Variants in PRSS50 observed in about 807,000 individuals in gnomAD.
PRSS50 encodes probable threonine protease PRSS50.
In PRSS50, 23 loss-of-function variants were observed where a neutral mutation model predicts 34.2. The ratio of observed to expected loss-of-function variants is 0.67; its 90% CI spans 0.48 to 0.95. The LOEUF (loss-of-function observed/expected upper bound fraction) is 0.95, where lower values mean the gene tolerates loss of function less well. Ranked by LOEUF, PRSS50 falls within the 40% of genes least tolerant of loss-of-function variation. PRSS50 has a pLI of 0.00. For synonymous variants in PRSS50, 224 were observed against 211.2 expected, an observed-to-expected ratio of 1.06 and a Z score of -0.53; for missense variants, 484 against 513.4, an observed-to-expected ratio of 0.94 and a Z score of 0.55.
Position 46,715,574 on chromosome 3 carries a change from G to C in PRSS50, c.431C>G (p.Ala144Gly), listed in dbSNP as rs936415196. ...GGCCACAGTCAGCACCCACTGGGAGGCAATGATGGTGCCGGCACAGATGTG... is the reference window on the plus strand; with the variant it reads ...GGCCACAGTCAGCACCCACTGGGAGCCAATGATGGTGCCGGCACAGATGTG... ...GTHICAGTII[A>G]SQWVLTVAHC... The change falls in exon 3 of 6, where the codon GCC (alanine) becomes GGC (glycine). Residue 144 changes from alanine to glycine, a missense_variant. Transcript: ENST00000315170. The surrounding 1 kb of genome is among the most constrained non-coding windows in gnomAD (Gnocchi z 5.2). The C allele has an allele frequency of 1.2e-5, 19 of 1,613,702 alleles. No homozygotes were observed. Among genetic ancestry groups the C allele is most frequent in the Non-Finnish European group, 1.5e-5 (18 of 1,179,808 alleles).
In PRSS50 at chr3:46,715,515, C is replaced by T. The variant is rs778343259; in HGVS notation, c.470+20G>A. ...AGCTCCAAATACCTCTCCACCCACC[C>T]CACCTCAGCCTTGACTCACCAGATC... On this transcript the variant is annotated intron_variant, in intron 3 of 5. Coordinates refer to ENST00000315170, the MANE Select transcript of PRSS50 (RefSeq NM_013270.5). The surrounding 1 kb of genome is among the most constrained non-coding windows in gnomAD (Gnocchi z 5.2). 9 of 1,601,100 alleles carry T rather than the reference C, an allele frequency of 5.6e-6. No homozygotes were observed. In the Admixed American group the frequency reaches 1.3e-4, roughly 24 times the overall value.
chr3:46,717,347 G>A lies in PRSS50; in HGVS notation c.307+90C>T, dbSNP rs903326140. On this transcript the variant is annotated intron_variant, in intron 2 of 5. Transcript: ENST00000315170. This position sits in a 1 kb window ranked among gnomAD's most constrained non-coding sequence, Gnocchi z 4.5. The stretch of plus-strand genomic sequence containing the variant: ...GCGCTCCTCTATCCTGCTCGCCCCC[G>A]TCCCTTCTGCTCCCCTAGCCCCAGC... 13 of 1,444,646 alleles carry A rather than the reference G, an allele frequency of 9.0e-6. No homozygotes were observed. The highest frequency in any genetic ancestry group is 3.6e-5 in the Admixed American group (2 of 55,938). The allele number at this position is 1,444,646 out of a possible 1,614,324, so 89.5% of individuals were successfully genotyped here.
Position 46,715,869 on chromosome 3 carries a change from T to C in PRSS50, c.308-172A>G, listed in dbSNP as rs1209584898. Among the ~76,000 whole-genome samples the C allele has an allele frequency of 6.6e-6, 1 of 152,024 alleles. No homozygotes were observed. The highest frequency in any genetic ancestry group is 1.5e-5 in the Non-Finnish European group (1 of 68,004). ...CACATGTGGACTGGAGTCTCATGCC[T>C]CAGAAGGGTCCAAGCACTGCCCAGA... On this transcript the variant is annotated intron_variant, in intron 2 of 5. Transcript: ENST00000315170. The surrounding 1 kb of genome is among the most constrained non-coding windows in gnomAD (Gnocchi z 5.2).
At chr3:46,714,190 G>A (rs375134109) in intron 4 of PRSS50, 28 bp downstream of exon 4, 44 of 1,604,892 alleles carry the variant, frequency 2.7e-5, no homozygotes, top group African/African-American at 1.5e-4. Flanking sequence ...CACAGCACCC[G>A]CCCTGGTCTG....
Position 46,717,288 on chromosome 3 carries a change from G to T in PRSS50, c.307+149C>A. 1 of 845,072 alleles carries T rather than the reference G, an allele frequency of 1.2e-6. No individual in the cohort carries two copies. The highest frequency in any genetic ancestry group is 1.8e-6 in the Non-Finnish European group (1 of 550,862). The allele number at this position is 845,072 out of a possible 1,614,324, so 52.3% of individuals were successfully genotyped here. A position where few individuals can be genotyped will look rare whatever the true frequency, so the allele number is the denominator to read the frequency against. On this transcript the variant is annotated intron_variant, in intron 2 of 5. Transcript: ENST00000315170. This position sits in a 1 kb window ranked among gnomAD's most constrained non-coding sequence, Gnocchi z 4.5. ...AGACAGGACCAGGCCTGACCCACAG[G>T]TGTTTAGTGCTCAATGAACACCTGT...
intron 5 of PRSS50, among the ~76,000 whole-genome samples, 181 bp from the exon 6 acceptor site, chr3:46,712,663 A>C (rs1700634881): frequency 6.7e-6 from 1 of 149,178 alleles, no homozygotes; most frequent in African/African-American, 2.5e-5. Context: ...CCACCTCTTA[A>C]CACCCACCCT....
chr3:46,712,582 C>G, intron 5 of PRSS50, 100 bp from the exon 6 acceptor site: 1 of 1,098,170 alleles, frequency 9.1e-7, no homozygotes, highest in South Asian at 1.4e-5. Flanking sequence ...CACACCTCCA[C>G]AGTCCCCCAG....
At position 46,714,271 on chromosome 3, in the gene PRSS50, A is replaced by T; in HGVS notation, c.701T>A (p.Leu234Ter). The T allele has an allele frequency of 6.2e-7, 1 of 1,614,144 alleles. No homozygotes were observed. Reference sequence around the variant, plus strand: ...CACAGTGCAGCGGGAATGGTCCTTCAACACATAGTCCGTGCCAGGCAGGCA... The same window carrying T: ...CACAGTGCAGCGGGAATGGTCCTTCTACACATAGTCCGTGCCAGGCAGGCA... The part of the protein sequence containing the change: ...PICLPGTDYV[L>*]KDHSRCTVTG... The change falls in exon 4 of 6, where the codon TTG (leucine) becomes TAG (stop). Residue 234 changes from leucine to a stop codon, truncating the protein, a stop_gained. Coordinates refer to ENST00000315170, the MANE Select transcript of PRSS50 (RefSeq NM_013270.5). LOFTEE classifies it high-confidence loss of function.
In PRSS50 at chr3:46,717,387, C is replaced by T. The variant is rs1700696803; in HGVS notation, c.307+50G>A. ...CTAGCCCCAGCCAAGGTCCTTAAGA[C>T]TCCTCTGTCACCCTCCTTGCCCCAC... is the stretch of plus-strand genomic sequence containing the variant. On this transcript the variant is annotated intron_variant, in intron 2 of 5. Coordinates refer to ENST00000315170, the MANE Select transcript of PRSS50 (RefSeq NM_013270.5). The surrounding 1 kb of genome is among the most constrained non-coding windows in gnomAD (Gnocchi z 4.5). 2 of 1,599,250 alleles carry T rather than the reference C, an allele frequency of 1.3e-6. No individual in the cohort carries two copies. The highest frequency in any genetic ancestry group is 1.3e-5 in the African/African-American group (1 of 74,494).
At position 46,714,173 on chromosome 3, in the gene PRSS50, C is replaced by G; in HGVS notation, c.754+45G>C. On this transcript the variant is annotated intron_variant, in intron 4 of 5. Transcript: ENST00000315170. ...GTGGCACCCTGGCCTGCACCCACGT[C>G]CTTTCTCACAGCACCCGCCCTGGTC... is the stretch of plus-strand genomic sequence containing the variant. 2 of 1,589,838 alleles carry G rather than the reference C, an allele frequency of 1.3e-6. 1 individual carries two copies. Among genetic ancestry groups the G allele is most frequent in the African/African-American group, 2.7e-5 (2 of 74,730 alleles).
intron 4 of PRSS50, 152 bp downstream of exon 4, chr3:46,714,066 A>C: frequency 1.0e-6 from 1 of 1,002,000 alleles, no homozygotes; most frequent in Non-Finnish European, 1.4e-6. Context: ...GGGGAAGGAG[A>C]CCTCAGAGAT....
chr3:46,712,870 G>C (rs896981493), intron 5 of PRSS50, 31 bp downstream of exon 5: 2 of 1,608,804 alleles, frequency 1.2e-6, no homozygotes, highest in African/African-American at 2.7e-5. Flanking sequence ...AGGTGCCCCT[G>C]AAGGGGAGTG....
At chr3:46,713,260 C>T (rs1466554701) in intron 4 of PRSS50, among the ~76,000 whole-genome samples, 193 bp from the exon 5 acceptor site, 1 of 152,238 alleles carries the variant, frequency 6.6e-6, no homozygotes, top group Non-Finnish European at 1.5e-5. Flanking sequence ...CCCAACCCAG[C>T]CTTGCCGGGC....
At chr3:46,713,488 A>G (rs1250860722) in intron 4 of PRSS50, among the ~76,000 whole-genome samples, 1 of 152,154 alleles carries the variant, frequency 6.6e-6, no homozygotes, top group East Asian at 1.9e-4. Context: ...CTCCCTGAGT[A>G]GTGTGTCCCT....
rs1700638580 is a variant in PRSS50 at position 46,712,947 on chromosome 3, G to A, written c.875C>T (p.Ser292Phe). 5 of 1,614,158 alleles carry A rather than the reference G, an allele frequency of 3.1e-6. No homozygotes were observed. Among genetic ancestry groups the A allele is most frequent in the East Asian group, 2.2e-5 (1 of 44,878 alleles). ...GGTGTCCTCCGCACACATCATCTGGGACTTGATGATCTGAACCAGAGTGGG... is the reference window on the plus strand; with the variant it reads ...GGTGTCCTCCGCACACATCATCTGGAACTTGATGATCTGAACCAGAGTGGG... ...KIPTLVQIIK[S>F]QMMCAEDTHR... Residue 292 changes from serine (S) to phenylalanine (F), a missense_variant, in exon 5 of 6, where the codon TCC becomes TTC. Coordinates refer to ENST00000315170, the MANE Select transcript of PRSS50 (RefSeq NM_013270.5).
rs932318026 is a variant in PRSS50, at chr3:46,715,360, C to T, written c.470+175G>A. 6.6e-6 allele frequency among the ~76,000 whole-genome samples: 1 copy of T among 152,156 alleles called. No homozygotes were observed. Among genetic ancestry groups the T allele is most frequent in the East Asian group, 1.9e-4 (1 of 5,190 alleles). On this transcript the variant is annotated intron_variant, in intron 3 of 5. Transcript: ENST00000315170. This position sits in a 1 kb window ranked among gnomAD's most constrained non-coding sequence, Gnocchi z 5.2. ...CAGACGAGGGGAGCGAACGGTGGGACACTGAAAAGACTGGAGCTCTGAAGG... is the reference window on the plus strand; with the variant it reads ...CAGACGAGGGGAGCGAACGGTGGGATACTGAAAAGACTGGAGCTCTGAAGG...
chr3:46,713,020 G>A lies in PRSS50; in HGVS notation c.802C>T (p.Leu268=). The change falls in exon 5 of 6, where the codon CTG becomes TTG. Residue 268 remains leucine, a synonymous_variant. Transcript: ENST00000315170. The part of the protein sequence containing the change: ...RTIQEKEVII[L]NNKECDNFYH... ...AAATTGTCACACTCTTTGTTGTTCAGGATGATGACTTCCTTCTCCTGAATG... is the reference window on the plus strand; with the variant it reads ...AAATTGTCACACTCTTTGTTGTTCAAGATGATGACTTCCTTCTCCTGAATG... The A allele has an allele frequency of 5.0e-6, 8 of 1,614,182 alleles. No homozygotes were observed. The highest frequency in any genetic ancestry group is 5.1e-6 in the Non-Finnish European group (6 of 1,180,022).
rs200918398 is a variant in PRSS50 at position 46,715,614 on chromosome 3, G to A, written c.391C>T (p.Arg131Trp). 158 of 1,612,984 alleles carry A rather than the reference G, an allele frequency of 9.8e-5. No individual in the cohort carries two copies. The highest frequency in any genetic ancestry group is 5.5e-4 in the South Asian group (50 of 90,994). ...ARRWPWMVSV[R>W]ANGTHICAGT... ...GCACAGATGTGTGTGCCATTGGCCC[G>A]CACGCTGACCATCCAGGGCCACCGC... Residue 131 changes from arginine (R) to tryptophan (W), a missense_variant, in exon 3 of 6, where the codon CGG becomes TGG. By Grantham distance (101) the Arg-to-Trp change is moderately radical. Coordinates refer to ENST00000315170, the MANE Select transcript of PRSS50 (RefSeq NM_013270.5). The surrounding 1 kb of genome is among the most constrained non-coding windows in gnomAD (Gnocchi z 5.2).
chr3:46,714,944 T>C (rs1700661324), intron 3 of PRSS50, among the ~76,000 whole-genome samples: 1 of 152,216 alleles, frequency 6.6e-6, no homozygotes, highest in Non-Finnish European at 1.5e-5. Context: ...GGGGTACCCC[T>C]TGGAGTCTGT....
Sources: allele counts gnomAD v4.1 joint callset (sites outside exome capture counted in the v4.1 genomes callset), GRCh38; gene constraint gnomAD v4.1.1; non-coding constraint Gnocchi (gnomAD v3.1); transcripts MANE v1.5; gene names NCBI Gene and HGNC (gene_info 2026-07-23, HGNC 2026-07-21).